The following PLAC1 variants were observed in gnomAD, a reference collection of about 807,000 sequenced individuals.
PLAC1 encodes placenta-specific protein 1.
For missense variants in PLAC1, 136 were observed against 163.2 expected, an observed-to-expected ratio of 0.83 and a Z score of 0.91; for synonymous variants, 68 against 62.1, an observed-to-expected ratio of 1.09 and a Z score of -0.44.
At chrX:134,582,438 C>T (rs1008616189) in intron 2 of PLAC1, among the ~76,000 whole-genome samples, 6 of 111,493 alleles carry the variant, frequency 5.4e-5, no homozygotes, top group African/African-American at 2.0e-4. Flanking sequence ...TTACAGACCT[C>T]GGGGAGTATT....
chrX:134,750,904 T>A lies in PLAC1; in HGVS notation n.89+13330A>T, dbSNP rs1424402980. ...ATAAATATATATATATATATTTATA[T>A]ATATATTTATATATATATATTTTTA... On this transcript the variant is annotated intron_variant and non_coding_transcript_variant, in intron 1 of 2. Transcript: ENST00000466797. 7.1e-3 allele frequency among the ~76,000 whole-genome samples: 105 copies of A among 14,811 alleles called. 26 individuals carry two copies. The highest frequency in any genetic ancestry group is 0.042 in the African/African-American group (103 of 2,433). The allele number at this position is 14,811 out of a possible 115,157, so 12.9% of individuals were successfully genotyped here.
In PLAC1 at chrX:134,705,756, A is replaced by C. The variant is rs969114259; in HGVS notation, n.174+27679T>G. The stretch of plus-strand genomic sequence containing the variant: ...ACAACATAGTATATATACACACACA[A>C]CAGTTGTATAAGACCTTTATGGAGA... On this transcript the variant is annotated intron_variant and non_coding_transcript_variant, in intron 2 of 2. Transcript: ENST00000466797. Among the ~76,000 whole-genome samples, 3 of 112,124 alleles carry C rather than the reference A, an allele frequency of 2.7e-5. No individual in the cohort carries two copies. The East Asian group carries it at 8.3e-4, about 31-fold the overall frequency.
chrX:134,583,595 A>G (rs944299491), intron 2 of PLAC1, among the ~76,000 whole-genome samples: 2 of 110,545 alleles, frequency 1.8e-5, no homozygotes, highest in Non-Finnish European at 3.8e-5. Flanking sequence ...AGCAACCTCA[A>G]TGGGATTGGA....
At chrX:134,606,283 T>C (rs1405099838) in intron 1 of PLAC1, 1 of 111,019 alleles carries the variant, frequency 9.0e-6, no homozygotes, top group Non-Finnish European at 1.9e-5. Flanking sequence ...TTTCTAACTG[T>C]AGTGATGTGC....
At chrX:134,762,198 C>A (rs1300589862) in intron 1 of PLAC1, among the ~76,000 whole-genome samples, 2 of 93,372 alleles carry the variant, frequency 2.1e-5, no homozygotes, top group East Asian at 6.2e-4. Context: ...GTTGAGGCAC[C>A]CCCCCCCCAA....
chrX:134,657,840 TA>T (rs2078399732), intron 1 of PLAC1, among the ~76,000 whole-genome samples: 1 of 110,717 alleles, frequency 9.0e-6, no homozygotes, highest in African/African-American at 3.3e-5. Flanking sequence ...AAAGCAATGA[TA>T]AAGATAAGTA....
At chrX:134,656,472 ACTT>A (rs2078392113) in intron 1 of PLAC1, among the ~76,000 whole-genome samples, 1 of 111,936 alleles carries the variant, frequency 8.9e-6, no homozygotes, top group Non-Finnish European at 1.9e-5. Context: ...CTCCAGGAGG[ACTT>A]CTTATTCACA....
chrX:134,648,358 T>A (rs1443511549), intron 1 of PLAC1, among the ~76,000 whole-genome samples: 2 of 111,577 alleles, frequency 1.8e-5, no homozygotes, highest in African/African-American at 6.5e-5. Context: ...GGAAGGAACC[T>A]CATAGACCAT....
intron 2 of PLAC1, among the ~76,000 whole-genome samples, chrX:134,598,059 T>C (rs1340859719): frequency 1.8e-5 from 2 of 112,245 alleles, no homozygotes; most frequent in Non-Finnish European, 3.8e-5. Context: ...GGGTTTATAG[T>C]TGTACTTAGT....
intron 1 of PLAC1, among the ~76,000 whole-genome samples, chrX:134,646,794 C>T (rs2078335556): frequency 8.9e-6 from 1 of 112,301 alleles, no homozygotes; most frequent in East Asian, 2.8e-4. Context: ...AGAGTGAGCT[C>T]AGCTTGGACA....
chrX:134,636,983 C>G (rs188631962), intron 1 of PLAC1, among the ~76,000 whole-genome samples: 1 of 112,457 alleles, frequency 8.9e-6, no homozygotes, highest in Non-Finnish European at 1.9e-5. Context: ...CTCAGTCCTC[C>G]GTAAACAGTT....
chrX:134,612,738 C>T (rs916878814), intron 1 of PLAC1, among the ~76,000 whole-genome samples: 2 of 111,738 alleles, frequency 1.8e-5, no homozygotes, highest in Admixed American at 9.5e-5. Context: ...CTTTAAAGTT[C>T]GTAAAAACAA....
intron 1 of PLAC1, among the ~76,000 whole-genome samples, chrX:134,654,760 T>A (rs1286210573): frequency 8.9e-6 from 1 of 112,283 alleles, no homozygotes; most frequent in Non-Finnish European, 1.9e-5. Context: ...GCTGCTGCCA[T>A]TACAGTGGAA....
chrX:134,605,970 G>C (rs1240390405), intron 1 of PLAC1: 1 of 111,806 alleles, frequency 8.9e-6, no homozygotes, highest in Non-Finnish European at 1.9e-5. Context: ...GGCCGGGCAT[G>C]GTGGCTCACG....
upstream of PLAC1, among the ~76,000 whole-genome samples, chrX:134,658,769 ATGG>A (rs1365861199): frequency 1.1e-4 from 12 of 112,057 alleles, no homozygotes; most frequent in Admixed American, 2.8e-4. Flanking sequence ...GGGTTACAAC[ATGG>A]TGGTGGTAAT....
intron 1 of PLAC1, among the ~76,000 whole-genome samples, chrX:134,637,957 T>G (rs772263493): frequency 3.7e-4 from 42 of 112,513 alleles, no homozygotes; most frequent in Non-Finnish European, 5.8e-4. Context: ...TCAATAAATT[T>G]TTGTGGAATG....
rs77285641 is a variant in PLAC1 at position 134,740,318 on chromosome X, C to CAA, written n.90-6801_90-6800dup. 4.6e-3 allele frequency among the ~76,000 whole-genome samples: 236 copies of CAA among 50,763 alleles called. 4 individuals are homozygous for CAA. Among genetic ancestry groups the CAA allele is most frequent in the Middle Eastern group, 0.014 (1 of 74 alleles). The allele number at this position is 50,763 out of a possible 115,157, so 44.1% of individuals were successfully genotyped here. A position where few individuals can be genotyped will look rare whatever the true frequency, so the allele number is the denominator to read the frequency against. On this transcript the variant is annotated intron_variant and non_coding_transcript_variant, in intron 1 of 2. Transcript: ENST00000466797. ...GGCAACAACAGTGAAATTCCGTCTC[C>CAA]AAAAAAAAAAAAAAAAACTAATTCA...
intron 1 of PLAC1, among the ~76,000 whole-genome samples, chrX:134,648,092 T>A (rs1334414896): frequency 1.8e-5 from 2 of 111,553 alleles, no homozygotes; most frequent in African/African-American, 6.5e-5. Flanking sequence ...TTTCAGCTTT[T>A]AAAAATTCAT....
intron 2 of PLAC1, among the ~76,000 whole-genome samples, chrX:134,586,241 A>C (rs2077999585): frequency 8.9e-6 from 1 of 111,772 alleles, no homozygotes; most frequent in South Asian, 3.8e-4. Context: ...CAGCGAGGGG[A>C]GGAGGAGAGG....
Sources: gnomAD v4.1 joint callset for allele counts (sites outside exome capture counted in the v4.1 genomes callset) on GRCh38, gnomAD v4.1.1 for gene constraint, MANE v1.5 for transcripts, NCBI Gene and HGNC (gene_info 2026-07-23, HGNC 2026-07-21) for gene names.